Variants in MPP7 observed in about 807,000 individuals in gnomAD.
MPP7 encodes the protein MAGUK p55 subfamily member 7.
In MPP7, 60 loss-of-function variants were observed where a neutral mutation model predicts 76.5. The observed-to-expected ratio is 0.78, with a 90% CI of 0.64 to 0.97. The LOEUF (loss-of-function observed/expected upper bound fraction) is 0.97. Ranked by LOEUF, MPP7 falls within the 50% of genes least tolerant of loss-of-function variation. The pLI is 0.00. For synonymous variants in MPP7, 237 were observed against 244.5 expected (o/e 0.97, Z 0.29); for missense variants, 641 against 694.0 (o/e 0.92, Z 0.86).
chr10:28,243,631 A>G (rs1232179557), intron 1 of MPP7, among the ~76,000 whole-genome samples: 1 of 141,950 alleles, frequency 7.0e-6, no homozygotes, highest in Non-Finnish European at 1.5e-5. Flanking sequence ...TCTTTGGTGT[A>G]ACAGCAAATA....
In MPP7 at chr10:28,248,618, G is replaced by A. The variant is rs1025186027; in HGVS notation, c.-131-9883C>T. Among the ~76,000 whole-genome samples the A allele has an allele frequency of 9.2e-5, 14 of 152,140 alleles. 1 individual carries two copies. The highest frequency in any genetic ancestry group is 2.1e-4 in the Non-Finnish European group (14 of 68,034). Reference sequence around the variant, plus strand: ...CTTGTCTAGAGTCTGTCTTTTACTAGAATACAGTCAATGCGATGCAGGGCA... The same window carrying A: ...CTTGTCTAGAGTCTGTCTTTTACTAAAATACAGTCAATGCGATGCAGGGCA... On this transcript the variant is annotated intron_variant, in intron 1 of 16. Transcript: ENST00000683449.
At chr10:28,238,811 A>C in intron 1 of MPP7, 76 bp from the exon 2 acceptor site, 1 of 586,668 alleles carries the variant, frequency 1.7e-6, no homozygotes, top group African/African-American at 1.9e-5. Context: ...ACTAATTCAA[A>C]ATTCTCATCC....
At chr10:28,107,538 C>T (rs953114887) in intron 11 of MPP7, among the ~76,000 whole-genome samples, 2 of 152,156 alleles carry the variant, frequency 1.3e-5, no homozygotes, top group African/African-American at 4.8e-5. Flanking sequence ...CACAGTAACC[C>T]TGGCTTGGCC....
At chr10:28,295,782 T>G (rs1841023957) in intron 1 of MPP7, among the ~76,000 whole-genome samples, 1 of 152,244 alleles carries the variant, frequency 6.6e-6, no homozygotes, top group African/African-American at 2.4e-5. Flanking sequence ...CCTTCTCTTT[T>G]CAAAGCTATA....
intron 8 of MPP7, among the ~76,000 whole-genome samples, chr10:28,123,526 T>C (rs113598023): frequency 1.0e-3 from 149 of 144,306 alleles, no homozygotes; most frequent in African/African-American, 3.4e-3. Flanking sequence ...TGGAGTGCAG[T>C]GGTGTGATCT....
chr10:28,088,788 C>T (rs574538275), intron 12 of MPP7, among the ~76,000 whole-genome samples: 3 of 152,336 alleles, frequency 2.0e-5, no homozygotes, highest in African/African-American at 2.4e-5. Context: ...TGGCTACTCA[C>T]ATCTGTGAAG....
At chr10:28,147,642 A>G (rs41306320) in intron 4 of MPP7, 79 bp from the exon 5 acceptor site, 23,580 of 1,234,810 alleles carry the variant, frequency 0.019, 585 homozygotes, top group African/African-American at 0.097. Flanking sequence ...CTGAGAATCT[A>G]ACTTGCTCAA....
chr10:28,332,246 C>CGTGTGTGTGTGTGTGTGT (rs4018712), intron 1 of MPP7, among the ~76,000 whole-genome samples: 2,330 of 146,844 alleles, frequency 0.016, 35 homozygotes, highest in African/African-American at 0.034. Flanking sequence ...CAAATGTATG[C>CGTGTGTGTGTGTGTGTGT]GTGTGTGTGT....
At chr10:28,261,198 G>A (rs1047935013) in intron 1 of MPP7, among the ~76,000 whole-genome samples, 9 of 152,280 alleles carry the variant, frequency 5.9e-5, no homozygotes, top group African/African-American at 1.9e-4. Flanking sequence ...CTACACACAG[G>A]TGAGAAAACA....
chr10:28,100,351 C>A (rs1438568834), intron 11 of MPP7, among the ~76,000 whole-genome samples: 4 of 151,902 alleles, frequency 2.6e-5, no homozygotes, highest in Non-Finnish European at 5.9e-5. Context: ...ATAAAATTAT[C>A]CCAAAGACTA....
intron 11 of MPP7, among the ~76,000 whole-genome samples, chr10:28,098,347 T>C (rs567508196): frequency 2.6e-4 from 40 of 152,016 alleles, no homozygotes; most frequent in African/African-American, 9.1e-4. Context: ...TCATCATACT[T>C]ACACTATGAG....
chr10:28,080,568 T>A (rs1852713642), intron 12 of MPP7, among the ~76,000 whole-genome samples: 1 of 152,182 alleles, frequency 6.6e-6, no homozygotes, highest in Non-Finnish European at 1.5e-5. Context: ...CTTCTCCCAT[T>A]AGAACATAAA....
At chr10:28,171,287 T>C (rs1326696636) in intron 3 of MPP7, among the ~76,000 whole-genome samples, 1 of 152,202 alleles carries the variant, frequency 6.6e-6, no homozygotes, top group Admixed American at 6.5e-5. Context: ...ACATGTTCTG[T>C]GAGCAAAAGA....
At chr10:28,092,768 T>G (rs1325756815) in intron 11 of MPP7, among the ~76,000 whole-genome samples, 3 of 110,088 alleles carry the variant, frequency 2.7e-5, no homozygotes, top group African/African-American at 1.1e-4. Flanking sequence ...TTTGAAGAGA[T>G]AAGGTTTCGC....
chr10:28,280,532 C>A (rs772593839), intron 1 of MPP7, among the ~76,000 whole-genome samples: 68 of 152,102 alleles, frequency 4.5e-4, no homozygotes, highest in Non-Finnish European at 8.4e-4. Context: ...AGAACCCATG[C>A]ATACAGGGGC....
intron 12 of MPP7, among the ~76,000 whole-genome samples, chr10:28,079,233 G>C (rs561317673): frequency 2.6e-4 from 39 of 152,124 alleles, no homozygotes; most frequent in Non-Finnish European, 2.4e-4. Flanking sequence ...TGATTAGAAT[G>C]CTAGCACAGT....
intron 13 of MPP7, among the ~76,000 whole-genome samples, 172 bp from the exon 14 acceptor site, chr10:28,059,915 ACT>A (rs1262160148): frequency 6.6e-6 from 1 of 152,226 alleles, no homozygotes; most frequent in Non-Finnish European, 1.5e-5. Context: ...CAGATTTTCC[ACT>A]GTTATTAAAA....
At chr10:28,149,828 A>G (rs1174521438) in intron 4 of MPP7, among the ~76,000 whole-genome samples, 154 bp downstream of exon 4, 1 of 152,250 alleles carries the variant, frequency 6.6e-6, no homozygotes, top group Non-Finnish European at 1.5e-5. Flanking sequence ...TAATATTAAC[A>G]TAAGCTCAGT....
intron 8 of MPP7, among the ~76,000 whole-genome samples, chr10:28,121,276 T>C (rs1353813461): frequency 6.6e-6 from 1 of 151,946 alleles, no homozygotes; most frequent in Non-Finnish European, 1.5e-5. Flanking sequence ...CTTTTTTTTT[T>C]TTTTTTAAAG....
Sources: gnomAD v4.1 joint callset for allele counts (sites outside exome capture counted in the v4.1 genomes callset) on GRCh38, gnomAD v4.1.1 for gene constraint, MANE v1.5 for transcripts, NCBI Gene and HGNC (gene_info 2026-07-23, HGNC 2026-07-21) for gene names.